BRD4: variants seen among roughly 807,000 people sequenced by gnomAD.
BRD4 encodes bromodomain-containing protein 4.
In BRD4, 16 loss-of-function variants were observed where a neutral mutation model predicts 142.1. The ratio of observed to expected loss-of-function variants is 0.11; its 90% confidence interval spans 0.08 to 0.17. The LOEUF is 0.17. Ranked by LOEUF, BRD4 falls within the 10% of genes least tolerant of loss-of-function variation. BRD4 has a pLI of 1.00. For synonymous variants in BRD4, 833 were observed against 707.5 expected, an observed-to-expected ratio of 1.18 and a Z score of -2.82; for missense variants, 1,424 against 1,810.9, an observed-to-expected ratio of 0.79 and a Z score of 3.88.
intron 2 of BRD4, among the ~76,000 whole-genome samples, chr19:15,270,012 G>A (rs1361587815): frequency 1.3e-5 from 2 of 152,240 alleles, no homozygotes; most frequent in Non-Finnish European, 2.9e-5. Flanking sequence ...CCAATGACTA[G>A]ACCAGCTCAG....
At chr19:15,253,018 G>A (rs185665076) in intron 11 of BRD4, 1 of 224,172 alleles carries the variant, frequency 4.5e-6, no homozygotes, top group East Asian at 6.7e-5. Flanking sequence ...TTTATTTCTA[G>A]TTAGAATAAA....
Position 15,264,717 on chromosome 19 carries a change from A to C in BRD4, c.899T>G (p.Ile300Ser), listed in dbSNP as rs202135404. ...CGAGGGTGGCTCGTGAATGGGGTCA[A>C]TGGTGGTGGGGGTGGTGGTGTCTGC... The part of the protein sequence containing the change: ...RKADTTTPTT[I>S]DPIHEPPSLP... Residue 300 changes from isoleucine to serine, a missense_variant, in exon 6 of 20, where the codon ATT (isoleucine) becomes AGT (serine). Ile to Ser is a moderately radical substitution (Grantham distance 142). Coordinates refer to ENST00000679869, the MANE Select transcript of BRD4 (RefSeq NM_001379291.1). The C allele has an allele frequency of 9.3e-6, 15 of 1,612,646 alleles. No homozygotes were observed. The highest frequency in any genetic ancestry group is 1.3e-5 in the Non-Finnish European group (15 of 1,179,874).
At chr19:15,317,156 C>A (rs2048024194) in intron 1 of BRD4, among the ~76,000 whole-genome samples, 2 of 152,236 alleles carry the variant, frequency 1.3e-5, no homozygotes, top group South Asian at 4.1e-4. Flanking sequence ...ACCCTGCAAC[C>A]CTGCCCAAGT....
chr19:15,293,774 T>C (rs2047802291), intron 1 of BRD4, among the ~76,000 whole-genome samples: 1 of 152,218 alleles, frequency 6.6e-6, no homozygotes, highest in South Asian at 2.1e-4. Flanking sequence ...AACTTTTGCA[T>C]CATTCCAAAA....
intron 1 of BRD4, chr19:15,280,428 T>G: frequency 9.9e-7 from 1 of 1,014,496 alleles, no homozygotes; most frequent in Non-Finnish European, 1.2e-6. Context: ...AAGTCAGACT[T>G]CTAGCAGTAG....
intron 11 of BRD4, among the ~76,000 whole-genome samples, chr19:15,246,049 C>A (rs558400704): frequency 6.6e-6 from 1 of 152,234 alleles, no homozygotes; most frequent in Non-Finnish European, 1.5e-5. Flanking sequence ...GACACAGACA[C>A]AGACCTCAGC....
intron 4 of BRD4, among the ~76,000 whole-genome samples, chr19:15,267,151 GA>G (rs1376565141): frequency 2.5e-4 from 38 of 152,208 alleles, no homozygotes; most frequent in Non-Finnish European, 4.3e-4. Context: ...AGTGCTTTGA[GA>G]AGTTACACTT....
intron 1 of BRD4, among the ~76,000 whole-genome samples, chr19:15,288,109 T>C (rs1334490427): frequency 6.6e-6 from 1 of 152,172 alleles, no homozygotes; most frequent in Non-Finnish European, 1.5e-5. Context: ...ACTTCATATT[T>C]TGCCTATCTA....
rs2047414235 is a variant in BRD4, at chr19:15,256,821, A to T, written c.1551+143T>A. The T allele has an allele frequency of 4.3e-6, 3 of 700,528 alleles. 1 individual carries two copies. In the South Asian group the frequency reaches 5.9e-5, roughly 14 times the overall value. 43.4% of individuals were successfully genotyped at this position (700,528 alleles called of 1,614,324 possible). On this transcript the variant is annotated intron_variant, in intron 8 of 19. Transcript: ENST00000679869. ...TGATCAACATGCATTTGACCTAGCA[A>T]AGGGGAAAAGGCCACAGGTGGTCCA... is the stretch of plus-strand genomic sequence containing the variant.
Position 15,239,883 on chromosome 19 carries a change from G to A in BRD4, c.3282+27C>T, listed in dbSNP as rs367680758. On this transcript the variant is annotated intron_variant, in intron 15 of 19. Coordinates refer to ENST00000679869, the MANE Select transcript of BRD4 (RefSeq NM_001379291.1). The surrounding 1 kb of genome is among the most constrained non-coding windows in gnomAD (Gnocchi z 7.4). ...CAGGCACCCCCGGCCCTAGCCCACA[G>A]GACTATGGCCCAGCCCTGCCAGTTA... The A allele has an allele frequency of 6.2e-7, 1 of 1,614,090 alleles. No individual in the cohort carries two copies.
intron 1 of BRD4, among the ~76,000 whole-genome samples, chr19:15,330,822 T>C (rs776819504): frequency 6.6e-6 from 1 of 152,200 alleles, no homozygotes; most frequent in African/African-American, 2.4e-5. Flanking sequence ...TCAAAAACTT[T>C]CTTGAAATTA....
intron 1 of BRD4, among the ~76,000 whole-genome samples, chr19:15,320,681 G>C (rs1420254796): frequency 1.3e-5 from 2 of 152,160 alleles, no homozygotes; most frequent in Non-Finnish European, 2.9e-5. Flanking sequence ...GCCCACCCAA[G>C]TAACTCCTGA....
At chr19:15,298,204 A>G (rs2047839190) in intron 1 of BRD4, among the ~76,000 whole-genome samples, 1 of 152,264 alleles carries the variant, frequency 6.6e-6, no homozygotes, top group African/African-American at 2.4e-5. Context: ...AGGTCCACAA[A>G]CAAAAACACT....
intron 7 of BRD4, among the ~76,000 whole-genome samples, chr19:15,262,579 T>C (rs1176646728): frequency 1.4e-5 from 2 of 147,812 alleles, no homozygotes; most frequent in South Asian, 2.2e-4. Flanking sequence ...CAAAATTAGC[T>C]GGGCATGGTG....
chr19:15,243,043 T>C lies in BRD4; in HGVS notation c.3026A>G (p.Gln1009Arg), dbSNP rs1294912749. Residue 1009 changes from glutamine (Q) to arginine (R), a missense_variant, in exon 14 of 20, where the codon CAA becomes CGA. By Grantham distance (43) the Gln-to-Arg change is conservative (BLOSUM62 1). Around this residue, in one of 16 missense-constraint regions of BRD4, gnomAD observed 598 missense variants for 647.8 expected, o/e 0.92. Coordinates refer to ENST00000679869, the MANE Select transcript of BRD4 (RefSeq NM_001379291.1). ...LQPMQFSTHIQQPPPPQGQQP... is the reference protein window; with the variant it reads ...LQPMQFSTHIRQPPPPQGQQP... ...CTGGCCCTGGGGTGGCGGGGGCTGT[T>C]GGATGTGGGTGGAAAACTGCATGGG... 1 of 1,477,004 alleles carries C rather than the reference T, an allele frequency of 6.8e-7. No individual in the cohort carries two copies. The highest frequency in any genetic ancestry group is 9.0e-7 in the Non-Finnish European group (1 of 1,112,166). The allele number at this position is 1,477,004 out of a possible 1,614,324, so 91.5% of individuals were successfully genotyped here.
In BRD4 at chr19:15,257,574, G is replaced by T. The variant is rs565042340; in HGVS notation, c.1342-401C>A. ...CCACCAGATGCGTGCGGGGGAGCAG[G>T]AGTTGTCTGTGGTTTGAGAGGGCAT... On this transcript the variant is annotated intron_variant, in intron 7 of 19. Coordinates refer to ENST00000679869, the MANE Select transcript of BRD4 (RefSeq NM_001379291.1). Among the ~76,000 whole-genome samples the T allele has an allele frequency of 2.3e-4, 35 of 152,246 alleles. 1 individual carries two copies. Among genetic ancestry groups the T allele is most frequent in the Admixed American group, 2.0e-3 (30 of 15,302 alleles).
At position 15,239,473 on chromosome 19, in the gene BRD4, T is replaced by G. The variant is rs1470112769; in HGVS notation, c.3495A>C (p.Pro1165=). 14 of 1,613,956 alleles carry G rather than the reference T, an allele frequency of 8.7e-6. No homozygotes were observed. Among genetic ancestry groups the G allele is most frequent in the Non-Finnish European group, 1.1e-5 (13 of 1,180,020 alleles). Residue 1165 remains proline (P), a synonymous_variant, in exon 17 of 20, where the codon CCA becomes CCC. Transcript: ENST00000679869. This position sits in a 1 kb window ranked among gnomAD's most constrained non-coding sequence, Gnocchi z 7.4. ...VDVGRPVIRP[P]EQNAPPPGAP... Reference sequence around the variant, plus strand: ...CCCCTGGTGGCGGTGCGTTCTGCTCTGGGGGCCGGATCACAGGCCTCCCGA... The same window carrying G: ...CCCCTGGTGGCGGTGCGTTCTGCTCGGGGGGCCGGATCACAGGCCTCCCGA...
intron 1 of BRD4, among the ~76,000 whole-genome samples, chr19:15,310,437 T>TGCAA (rs1467166307): frequency 1.5e-5 from 2 of 130,786 alleles, no homozygotes; most frequent in Non-Finnish European, 3.1e-5. Flanking sequence ...CTAGGCTCAC[T>TGCAA]GCAAGCTCCG....
Position 15,265,523 on chromosome 19 carries a change from G to C in BRD4, c.680C>G (p.Ala227Gly), listed in dbSNP as rs1482141364. ...PVQATPHPFP[A>G]VTPDLIVQTP... ...CTGGACGATGAGGTCCGGGGTGACG[G>C]CAGGGAAGGGGTGAGGCGTGGCCTG... The change falls in exon 5 of 20, where the codon GCC becomes GGC. Residue 227 changes from alanine (A) to glycine (G), a missense_variant. Physicochemically the swap from Ala to Gly is moderately conservative, Grantham distance 60. Transcript: ENST00000679869. The C allele has an allele frequency of 6.2e-7, 1 of 1,614,006 alleles. No individual in the cohort carries two copies. The highest frequency in any genetic ancestry group is 1.1e-5 in the South Asian group (1 of 91,062).
Sources: allele counts gnomAD v4.1 joint callset (sites outside exome capture counted in the v4.1 genomes callset), GRCh38; gene constraint gnomAD v4.1.1; regional missense constraint gnomAD v4.1.1; non-coding constraint Gnocchi (gnomAD v3.1); transcripts MANE v1.5; gene names NCBI Gene and HGNC (gene_info 2026-07-23, HGNC 2026-07-21).